PTPN2: variants seen among roughly 807,000 people sequenced by gnomAD.
PTPN2 encodes the protein tyrosine-protein phosphatase non-receptor type 2.
In PTPN2, 19 loss-of-function variants were observed where a neutral mutation model predicts 57.3. That is an observed-to-expected ratio of 0.33 (90% CI 0.23 to 0.49). The LOEUF (loss-of-function observed/expected upper bound fraction) is 0.49, where lower values mean the gene tolerates loss of function less well. PTPN2 is among the 20% of genes least tolerant of loss of function. The pLI, the probability that PTPN2 is intolerant of heterozygous loss-of-function variation, is 0.99. For missense variants in PTPN2, 358 were observed against 501.1 expected (o/e 0.71, Z 2.73); for synonymous variants, 153 against 164.9 (o/e 0.93, Z 0.55).
At chr18:12,870,339 A>G (rs1379025551) in intron 1 of PTPN2, among the ~76,000 whole-genome samples, 42 of 39,138 alleles carry the variant, frequency 1.1e-3, no homozygotes, top group African/African-American at 5.2e-3. Context: ...ATGTATATAT[A>G]TACATATATA....
chr18:12,865,568 C>A (rs1395471330), intron 1 of PTPN2, among the ~76,000 whole-genome samples: 1 of 151,710 alleles, frequency 6.6e-6, no homozygotes, highest in Non-Finnish European at 1.5e-5. Context: ...CACGGTGAAA[C>A]CCTGCTGAGG....
intron 2 of PTPN2, among the ~76,000 whole-genome samples, chr18:12,858,112 G>A (rs2043656611): frequency 6.6e-6 from 1 of 152,096 alleles, no homozygotes; most frequent in African/African-American, 2.4e-5. Flanking sequence ...GTATATAAAG[G>A]TATACAGTCT....
intron 1 of PTPN2, among the ~76,000 whole-genome samples, chr18:12,866,355 G>A (rs970448968): frequency 2.0e-5 from 3 of 151,564 alleles, no homozygotes; most frequent in Middle Eastern, 3.4e-3. Flanking sequence ...GGAGAATGGC[G>A]TGAACCCAGG....
At chr18:12,843,109 G>T (rs2043100130) in intron 2 of PTPN2, among the ~76,000 whole-genome samples, 1 of 152,138 alleles carries the variant, frequency 6.6e-6, no homozygotes, top group Non-Finnish European at 1.5e-5. Flanking sequence ...TGTGGATTCT[G>T]ATCTCTCTTT....
At chr18:12,857,839 C>T (rs2043647372) in intron 2 of PTPN2, among the ~76,000 whole-genome samples, 1 of 152,096 alleles carries the variant, frequency 6.6e-6, no homozygotes, top group Admixed American at 6.6e-5. Context: ...ACACTTCTAA[C>T]TGGTAGTAAA....
At chr18:12,823,374 T>C (rs1347273381) in intron 5 of PTPN2, among the ~76,000 whole-genome samples, 5 of 152,100 alleles carry the variant, frequency 3.3e-5, no homozygotes, top group Non-Finnish European at 7.4e-5. Context: ...CTTATCCCCA[T>C]GTCAAAAGTT....
At chr18:12,786,639 A>G (rs147238827) in intron 9 of PTPN2, 19 of 152,360 alleles carry the variant, frequency 1.2e-4, no homozygotes, top group Admixed American at 1.3e-4. Context: ...AACTCCCCTC[A>G]GTACCGCAAA....
chr18:12,851,036 A>T (rs972565022), intron 2 of PTPN2, among the ~76,000 whole-genome samples: 8 of 152,060 alleles, frequency 5.3e-5, no homozygotes, highest in Non-Finnish European at 7.4e-5. Flanking sequence ...CACAGCGCCC[A>T]GCCAGGCATT....
intron 8 of PTPN2, among the ~76,000 whole-genome samples, chr18:12,801,518 A>T (rs200800612): frequency 5.9e-5 from 9 of 151,766 alleles, no homozygotes; most frequent in East Asian, 1.9e-4. Flanking sequence ...TTAATTCAAT[A>T]AAAAAAAGGG....
intron 7 of PTPN2, among the ~76,000 whole-genome samples, chr18:12,811,303 G>A (rs1327246059): frequency 6.6e-6 from 1 of 152,052 alleles, no homozygotes; most frequent in African/African-American, 2.4e-5. Flanking sequence ...AATTTACACT[G>A]GTCAATTTTT....
chr18:12,809,114 G>C (rs941415101), intron 7 of PTPN2, among the ~76,000 whole-genome samples: 1 of 152,206 alleles, frequency 6.6e-6, no homozygotes, highest in African/African-American at 2.4e-5. Context: ...CACTGGGCTA[G>C]AGAAACACCC....
intron 1 of PTPN2, among the ~76,000 whole-genome samples, chr18:12,878,136 A>G (rs975140045): frequency 5.9e-5 from 9 of 152,190 alleles, no homozygotes; most frequent in African/African-American, 2.2e-4. Context: ...CAGGAGTTGA[A>G]GACCAGCCTG....
chr18:12,873,346 T>C (rs1331182026), intron 1 of PTPN2, among the ~76,000 whole-genome samples: 1 of 152,132 alleles, frequency 6.6e-6, no homozygotes, highest in Non-Finnish European at 1.5e-5. Flanking sequence ...GAGCCGAAGC[T>C]GGACTGTACT....
Position 12,804,289 on chromosome 18 carries a change from C to CAAAAAAAAAAAA in PTPN2, c.859-2150_859-2139dup, listed in dbSNP as rs59927276. 2.7e-4 allele frequency among the ~76,000 whole-genome samples: 18 copies of CAAAAAAAAAAAA among 67,708 alleles called. 1 individual carries two copies. Among genetic ancestry groups the CAAAAAAAAAAAA allele is most frequent in the East Asian group, 8.9e-4 (2 of 2,254 alleles). The allele number at this position is 67,708 out of a possible 152,430, so 44.4% of individuals were successfully genotyped here. A position where few individuals can be genotyped will look rare whatever the true frequency, so the allele number is the denominator to read the frequency against. ...TCTAGGGGTCAGAGTGAAACTGTCT[C>CAAAAAAAAAAAA]AAAAAAAAAAAAAAAAAAAAGAAAA... On this transcript the variant is annotated intron_variant, in intron 7 of 8. Transcript: ENST00000309660.
intron 5 of PTPN2, among the ~76,000 whole-genome samples, chr18:12,825,197 G>A (rs573022052): frequency 3.9e-5 from 6 of 152,234 alleles, no homozygotes; most frequent in South Asian, 4.2e-4. Flanking sequence ...GTATGTGTGC[G>A]TGTTACATAT....
chr18:12,874,772 C>G (rs2044428377), intron 1 of PTPN2, among the ~76,000 whole-genome samples: 2 of 151,916 alleles, frequency 1.3e-5, no homozygotes, highest in Admixed American at 1.3e-4. Context: ...AGTGAGGAGC[C>G]CCTCTGCCCG....
rs1221603204 is a variant in PTPN2 at position 12,851,205 on chromosome 18, C to T, written c.160+7959G>A. ...GGTTAATAATATTATATAGGCCGGG[C>T]GCGGTGGCTCACGCCTGTAATCCCA... On this transcript the variant is annotated intron_variant, in intron 2 of 8. Coordinates refer to ENST00000309660, the MANE Select transcript of PTPN2 (RefSeq NM_002828.4). Among the ~76,000 whole-genome samples, 6 of 8,686 alleles carry T rather than the reference C, an allele frequency of 6.9e-4. 3 individuals carry two copies. The highest frequency in any genetic ancestry group is 2.3e-3 in the Non-Finnish European group (4 of 1,746). The allele number at this position is 8,686 out of a possible 152,430, so 5.7% of individuals were successfully genotyped here.
intron 1 of PTPN2, among the ~76,000 whole-genome samples, chr18:12,871,689 C>G (rs568496546): frequency 9.9e-5 from 15 of 152,090 alleles, no homozygotes; most frequent in African/African-American, 3.4e-4. Flanking sequence ...CCATTGTTTT[C>G]TTATATAATT....
rs146871282 is a variant in PTPN2, at chr18:12,856,090, C to T, written c.160+3074G>A. Reference sequence around the variant, plus strand: ...GAAGATGACTAAAGGTCAATGTCAGCGGAGCTGAACAGGTCTAGGAACTCT... The same window carrying T: ...GAAGATGACTAAAGGTCAATGTCAGTGGAGCTGAACAGGTCTAGGAACTCT... On this transcript the variant is annotated intron_variant, in intron 2 of 8. Transcript: ENST00000309660. Among the ~76,000 whole-genome samples the T allele has an allele frequency of 1.2e-4, 18 of 152,236 alleles. 1 individual carries two copies. The East Asian group carries it at 2.7e-3, about 23-fold the overall frequency.
Sources: allele counts gnomAD v4.1 joint callset (sites outside exome capture counted in the v4.1 genomes callset), GRCh38; gene constraint gnomAD v4.1.1; transcripts MANE v1.5; gene names NCBI Gene and HGNC (gene_info 2026-07-23, HGNC 2026-07-21).